The following EPHA6 variants were observed in gnomAD, a reference collection of about 807,000 sequenced individuals.
The protein encoded by EPHA6 is EPH receptor A6.
In EPHA6, 50 loss-of-function variants were observed where a neutral mutation model predicts 112.0. That is an observed-to-expected ratio of 0.45 (90% CI 0.36 to 0.56). The LOEUF is 0.56. Among genes scored for constraint, EPHA6 ranks in the 20% least tolerant of loss-of-function variants. The pLI, the probability that EPHA6 is intolerant of heterozygous loss-of-function variation, is 0.00. For synonymous variants in EPHA6, 529 were observed against 490.7 expected (o/e 1.08, Z -1.03); for missense variants, 1,280 against 1,417.4 (o/e 0.90, Z 1.56).
intron 5 of EPHA6, among the ~76,000 whole-genome samples, chr3:97,283,037 C>T (rs1158988324): frequency 6.6e-6 from 1 of 152,082 alleles, no homozygotes; most frequent in Non-Finnish European, 1.5e-5. Context: ...TCAGCAAGTA[C>T]TCTACAGGTC....
chr3:97,646,639 A>G (rs1347287976), intron 14 of EPHA6, among the ~76,000 whole-genome samples: 1 of 152,142 alleles, frequency 6.6e-6, no homozygotes, highest in African/African-American at 2.4e-5. Flanking sequence ...CAAAAGATCA[A>G]TCATCACTAT....
intron 6 of EPHA6, among the ~76,000 whole-genome samples, chr3:97,439,102 A>G (rs2090002831): frequency 6.6e-6 from 1 of 152,074 alleles, no homozygotes; most frequent in Non-Finnish European, 1.5e-5. Context: ...TTCTCCTACT[A>G]CTGTTCAATA....
At chr3:97,522,850 T>C (rs1577659447) in intron 10 of EPHA6, among the ~76,000 whole-genome samples, 1 of 152,312 alleles carries the variant, frequency 6.6e-6, no homozygotes, top group African/African-American at 2.4e-5. Context: ...TATTCACTTA[T>C]GATCCTTTGT....
chr3:97,126,905 A>AC (rs1024417883), intron 3 of EPHA6, among the ~76,000 whole-genome samples: 1 of 151,806 alleles, frequency 6.6e-6, no homozygotes, highest in African/African-American at 2.4e-5. Context: ...GTGAAAAAAA[A>AC]AAAAAAGAAC....
intron 3 of EPHA6, among the ~76,000 whole-genome samples, chr3:97,061,048 T>G (rs999636022): frequency 4.7e-5 from 7 of 149,812 alleles, no homozygotes; most frequent in Non-Finnish European, 1.0e-4. Flanking sequence ...GGTTCAGAAA[T>G]GTCAGTAGAA....
Position 97,720,383 on chromosome 3 carries a change from A to C in EPHA6, c.2907A>C (p.Arg969Ser). The change falls in exon 15 of 18, where the codon AGA becomes AGC. Residue 969 changes from arginine to serine, a missense_variant. Arg to Ser is a moderately radical substitution (Grantham distance 110). Coordinates refer to ENST00000389672, the MANE Select transcript of EPHA6 (RefSeq NM_001080448.3). ...VMWEVMSYGE[R>S]PYWEMSNQDV... ...GGGAGGTCATGTCCTATGGAGAGAG[A>C]CCTTATTGGGAAATGTCTAACCAAG... 1 of 1,601,320 alleles carries C rather than the reference A, an allele frequency of 6.2e-7. No homozygotes were observed. Among genetic ancestry groups the C allele is most frequent in the Non-Finnish European group, 8.5e-7 (1 of 1,174,888 alleles).
At chr3:97,451,271 A>T (rs1560023381) in intron 7 of EPHA6, among the ~76,000 whole-genome samples, 1 of 151,976 alleles carries the variant, frequency 6.6e-6, no homozygotes, top group Non-Finnish European at 1.5e-5. Context: ...CAATTTACAC[A>T]TATTACCTCA....
At chr3:97,064,892 A>G (rs962510773) in intron 3 of EPHA6, among the ~76,000 whole-genome samples, 1 of 152,088 alleles carries the variant, frequency 6.6e-6, no homozygotes, top group East Asian at 1.9e-4. Context: ...CTTCCTTTTG[A>G]CTGTTCTCAG....
intron 6 of EPHA6, among the ~76,000 whole-genome samples, chr3:97,407,374 A>C (rs896287559): frequency 3.3e-5 from 5 of 149,972 alleles, no homozygotes; most frequent in Non-Finnish European, 7.5e-5. Context: ...ACACACACAC[A>C]CCTTTTTAAA....
intron 2 of EPHA6, among the ~76,000 whole-genome samples, chr3:96,884,800 C>T (rs2037529018): frequency 6.6e-6 from 1 of 152,092 alleles, no homozygotes. Flanking sequence ...TTATCTTGTT[C>T]CAGTTCTCAG....
At chr3:97,495,801 G>C (rs2091962383) in intron 10 of EPHA6, among the ~76,000 whole-genome samples, 1 of 152,020 alleles carries the variant, frequency 6.6e-6, no homozygotes, top group African/African-American at 2.4e-5. Context: ...TCTGTATTTT[G>C]TAGTTGCCTA....
intron 14 of EPHA6, among the ~76,000 whole-genome samples, chr3:97,685,650 C>G (rs1576285076): frequency 6.6e-6 from 1 of 152,190 alleles, no homozygotes; most frequent in African/African-American, 2.4e-5. Context: ...TGACACCCAT[C>G]ATTTTCACCT....
At chr3:96,983,158 T>C (rs1422479431) in intron 2 of EPHA6, among the ~76,000 whole-genome samples, 1 of 152,232 alleles carries the variant, frequency 6.6e-6, no homozygotes, top group Admixed American at 6.5e-5. Context: ...CGATGGTCTT[T>C]ACAATCTGGC....
intron 2 of EPHA6, among the ~76,000 whole-genome samples, chr3:96,983,076 T>C (rs544423884): frequency 6.6e-6 from 1 of 152,324 alleles, no homozygotes; most frequent in South Asian, 2.1e-4. Context: ...TTGTTATGTG[T>C]GAATTTGATC....
intron 13 of EPHA6, among the ~76,000 whole-genome samples, chr3:97,627,546 G>A (rs1438544047): frequency 1.3e-5 from 2 of 151,790 alleles, no homozygotes; most frequent in Non-Finnish European, 2.9e-5. Context: ...CTACAGAATG[G>A]CAAATAAGTA....
intron 3 of EPHA6, among the ~76,000 whole-genome samples, chr3:97,136,426 G>A (rs922832688): frequency 8.5e-5 from 13 of 152,238 alleles, no homozygotes; most frequent in African/African-American, 3.1e-4. Flanking sequence ...GAATAAAGAA[G>A]TGAAATGGGG....
rs1397239799 is a variant in EPHA6 at position 97,759,997 on chromosome 3, A to C, written c.*11296A>C. On this transcript the variant is annotated 3_prime_UTR_variant, in exon 18 of 18. Coordinates refer to ENST00000389672, the MANE Select transcript of EPHA6 (RefSeq NM_001080448.3). ...TGTTTTCCTTATTTTCATCTATTAC[A>C]GATTAAAAGGCAGAAACATTTTGTA... is the stretch of plus-strand genomic sequence containing the variant. 5.3e-6 allele frequency: 1 copy of C among 187,536 alleles called. No individual in the cohort carries two copies. Among genetic ancestry groups the C allele is most frequent in the Non-Finnish European group, 1.1e-5 (1 of 88,904 alleles). 11.6% of individuals were successfully genotyped at this position (187,536 alleles called of 1,614,324 possible).
rs4478081 is a variant in EPHA6 at position 97,506,157 on chromosome 3, T to A, written c.2200+22098T>A. ...TTGCCTGTTCACTCTGATGATAGTT[T>A]CTTTGCTGTGCACACACTCTTTAGT... On this transcript the variant is annotated intron_variant, in intron 10 of 17. Coordinates refer to ENST00000389672, the MANE Select transcript of EPHA6 (RefSeq NM_001080448.3). Among the ~76,000 whole-genome samples the A allele has an allele frequency of 8.1e-4, 124 of 152,324 alleles. 1 individual carries two copies. Among genetic ancestry groups the A allele is most frequent in the Admixed American group, 3.0e-3 (46 of 15,302 alleles).
chr3:97,669,958 T>A (rs558910403), intron 14 of EPHA6, among the ~76,000 whole-genome samples: 1 of 152,258 alleles, frequency 6.6e-6, no homozygotes, highest in East Asian at 1.9e-4. Flanking sequence ...GGAGGACAAA[T>A]CACTCATCTT....
Sources: allele counts gnomAD v4.1 joint callset (sites outside exome capture counted in the v4.1 genomes callset), GRCh38; gene constraint gnomAD v4.1.1; transcripts MANE v1.5; gene names NCBI Gene and HGNC (gene_info 2026-07-23, HGNC 2026-07-21).